NKAIN2: variants seen among roughly 807,000 people sequenced by gnomAD.
NKAIN2 encodes the protein sodium/potassium-transporting ATPase subunit beta-1-interacting protein 2.
NKAIN2 carries 14 observed loss-of-function variants against 32.6 expected under a neutral mutation model. The observed-to-expected ratio is 0.43, with a 90% CI of 0.28 to 0.67. NKAIN2 has a LOEUF of 0.67. Among genes scored for constraint, NKAIN2 ranks in the 30% least tolerant of loss-of-function variants. The probability of loss-of-function intolerance (pLI) is 0.17; values close to 1 mark genes in which losing one functional copy is unlikely to be tolerated. For synonymous variants in NKAIN2, 80 were observed against 87.2 expected (o/e 0.92, Z 0.46); for missense variants, 198 against 258.3 (o/e 0.77, Z 1.60).
At chr6:124,234,794 A>T (rs1792657669) in intron 1 of NKAIN2, among the ~76,000 whole-genome samples, 1 of 152,180 alleles carries the variant, frequency 6.6e-6, no homozygotes, top group South Asian at 2.1e-4. Flanking sequence ...AATATTCTAA[A>T]ACTAACAAAA....
intron 3 of NKAIN2, among the ~76,000 whole-genome samples, chr6:124,509,518 T>C (rs926472725): frequency 6.6e-6 from 1 of 152,216 alleles, no homozygotes; most frequent in Non-Finnish European, 1.5e-5. Flanking sequence ...GTTAGACGTC[T>C]TTATTTCGTT....
intron 1 of NKAIN2, among the ~76,000 whole-genome samples, chr6:124,122,928 T>A (rs1785957893): frequency 6.6e-6 from 1 of 152,124 alleles, no homozygotes. Context: ...TTTTTAGAAA[T>A]TAATTTAATA....
At chr6:124,490,249 C>A in intron 3 of NKAIN2, 1 of 319,108 alleles carries the variant, frequency 3.1e-6, no homozygotes, top group Non-Finnish European at 6.1e-6. Context: ...TAAGCCAATT[C>A]CCTGTAGGGT....
intron 1 of NKAIN2, among the ~76,000 whole-genome samples, chr6:123,970,563 T>G (rs576269107): frequency 1.6e-4 from 25 of 152,248 alleles, no homozygotes; most frequent in African/African-American, 6.0e-4. Context: ...TTTGTTTTTA[T>G]TTTTTCATTG....
chr6:124,051,701 A>G (rs1381171378), intron 1 of NKAIN2, among the ~76,000 whole-genome samples: 1 of 152,032 alleles, frequency 6.6e-6, no homozygotes, highest in African/African-American at 2.4e-5. Context: ...CCAAGTTACA[A>G]GATGAGATGC....
intron 3 of NKAIN2, among the ~76,000 whole-genome samples, chr6:124,529,181 T>C (rs17051940): frequency 0.025 from 3,878 of 152,284 alleles, 197 homozygotes; most frequent in East Asian, 0.17. Flanking sequence ...ACCTTAACAT[T>C]TGACATTGAT....
At chr6:124,074,284 C>T (rs1783592798) in intron 1 of NKAIN2, among the ~76,000 whole-genome samples, 1 of 152,234 alleles carries the variant, frequency 6.6e-6, no homozygotes, top group Non-Finnish European at 1.5e-5. Context: ...ATTTCAAACT[C>T]TCAGGAGGAG....
At chr6:123,882,346 A>T (rs1298112614) in intron 1 of NKAIN2, among the ~76,000 whole-genome samples, 1 of 152,154 alleles carries the variant, frequency 6.6e-6, no homozygotes, top group Non-Finnish European at 1.5e-5. Context: ...CCCATTTTTA[A>T]TTATGAGATC....
intron 2 of NKAIN2, among the ~76,000 whole-genome samples, chr6:124,311,754 A>G (rs1206781611): frequency 6.6e-6 from 1 of 152,182 alleles, no homozygotes; most frequent in Non-Finnish European, 1.5e-5. Context: ...CATGTTCACT[A>G]GTGTCTTAAG....
intron 1 of NKAIN2, among the ~76,000 whole-genome samples, chr6:123,957,426 A>G (rs1441330363): frequency 6.6e-6 from 1 of 152,186 alleles, no homozygotes; most frequent in Non-Finnish European, 1.5e-5. Context: ...GAATTAAATA[A>G]AATATATTCG....
At chr6:124,178,978 G>A (rs1281904570) in intron 1 of NKAIN2, among the ~76,000 whole-genome samples, 2 of 152,172 alleles carry the variant, frequency 1.3e-5, no homozygotes, top group African/African-American at 4.8e-5. Context: ...TCAGATGTTG[G>A]TCATGGAGCA....
chr6:124,203,016 T>C (rs1417462749), intron 1 of NKAIN2, among the ~76,000 whole-genome samples: 1 of 151,970 alleles, frequency 6.6e-6, no homozygotes, highest in African/African-American at 2.4e-5. Flanking sequence ...TCATGTAGTA[T>C]AGCTCTGTCA....
intron 2 of NKAIN2, among the ~76,000 whole-genome samples, chr6:124,302,854 T>C (rs1437245569): frequency 6.6e-6 from 1 of 152,182 alleles, no homozygotes; most frequent in African/African-American, 2.4e-5. Flanking sequence ...ATACATGGTA[T>C]ATTCCCAGGC....
intron 1 of NKAIN2, among the ~76,000 whole-genome samples, chr6:124,073,847 C>A (rs1465556705): frequency 6.6e-6 from 1 of 152,048 alleles, no homozygotes; most frequent in African/African-American, 2.4e-5. Context: ...TTTTATGGGG[C>A]TGAAAAGCTA....
At chr6:123,927,754 CAT>C (rs1776068922) in intron 1 of NKAIN2, among the ~76,000 whole-genome samples, 1 of 152,160 alleles carries the variant, frequency 6.6e-6, no homozygotes, top group South Asian at 2.1e-4. Flanking sequence ...ACATGGCAAA[CAT>C]GTGTCTTCAA....
intron 3 of NKAIN2, chr6:124,437,888 T>TTTTTTC: frequency 2.4e-6 from 1 of 417,812 alleles, no homozygotes; most frequent in African/African-American, 2.1e-5. Context: ...TTTTTTTTTT[T>TTTTTTC]TTTCTTAACC....
intron 3 of NKAIN2, among the ~76,000 whole-genome samples, chr6:124,394,979 T>C (rs1773314510): frequency 6.6e-6 from 1 of 152,198 alleles, no homozygotes; most frequent in Non-Finnish European, 1.5e-5. Context: ...TAATATGGGC[T>C]TGGACTTCCT....
chr6:123,904,088 A>G (rs1239660663), intron 1 of NKAIN2, among the ~76,000 whole-genome samples: 1 of 152,030 alleles, frequency 6.6e-6, no homozygotes, highest in African/African-American at 2.4e-5. Flanking sequence ...AAATTCAGCC[A>G]GACGTGGTGG....
At chr6:123,969,862 G>A (rs933350229) in intron 1 of NKAIN2, among the ~76,000 whole-genome samples, 3 of 152,026 alleles carry the variant, frequency 2.0e-5, no homozygotes, top group East Asian at 1.9e-4. Context: ...AGTGTCTGCC[G>A]CAAAAATAAC....
Sources: gnomAD v4.1 joint callset for allele counts (sites outside exome capture counted in the v4.1 genomes callset) on GRCh38, gnomAD v4.1.1 for gene constraint, MANE v1.5 for transcripts, NCBI Gene and HGNC (gene_info 2026-07-23, HGNC 2026-07-21) for gene names.